The following FRMPD4 variants were observed in gnomAD, a reference collection of about 807,000 sequenced individuals.
The protein encoded by FRMPD4 is FERM and PDZ domain containing 4, also known as FERM and PDZ domain-containing protein 4.
A neutral mutation model predicts 94.1 loss-of-function variants in FRMPD4; 22 were observed. The observed-to-expected ratio is 0.23, with a 90% confidence interval of 0.17 to 0.33. FRMPD4 has a LOEUF of 0.33. FRMPD4 is among the 10% of genes least tolerant of loss of function. The pLI is 1.00. For synonymous variants in FRMPD4, 631 were observed against 548.6 expected (o/e 1.15, Z -2.10); for missense variants, 1,111 against 1,339.9 (o/e 0.83, Z 2.67).
In FRMPD4 at chrX:12,512,308, A is replaced by G. The variant is rs186779032; in HGVS notation, c.158+13512A>G. On this transcript the variant is annotated intron_variant, in intron 2 of 16. Coordinates refer to ENST00000675598, the MANE Select transcript of FRMPD4 (RefSeq NM_001368397.1). ...TCTGCCATGGTAGTTTATTGCACCTATCAACCCATCACCTTGGTATTAAGC... is the reference window on the plus strand; with the variant it reads ...TCTGCCATGGTAGTTTATTGCACCTGTCAACCCATCACCTTGGTATTAAGC... 6.3e-4 allele frequency among the ~76,000 whole-genome samples: 70 copies of G among 111,941 alleles called. No individual in the cohort carries two copies. In the East Asian group the frequency reaches 0.016, roughly 25 times the overall value.
At chrX:11,836,846 A>T (rs2053503730) in intron 1 of FRMPD4, among the ~76,000 whole-genome samples, 1 of 111,905 alleles carries the variant, frequency 8.9e-6, no homozygotes, top group South Asian at 3.7e-4. Context: ...AATGCACATG[A>T]GGAAATTTAA....
At chrX:12,235,104 A>G (rs1378011623) in intron 1 of FRMPD4, among the ~76,000 whole-genome samples, 2 of 111,992 alleles carry the variant, frequency 1.8e-5, no homozygotes, top group African/African-American at 6.5e-5. Context: ...TCGTATTGCC[A>G]TCCTATCAAC....
chrX:12,515,788 C>T (rs1159140834), intron 2 of FRMPD4, among the ~76,000 whole-genome samples: 1 of 110,183 alleles, frequency 9.1e-6, no homozygotes, highest in Non-Finnish European at 1.9e-5. Flanking sequence ...ACAGTGGGGT[C>T]GATAGTGGGA....
At chrX:12,155,206 T>A (rs189411107) in intron 1 of FRMPD4, among the ~76,000 whole-genome samples, 1 of 112,036 alleles carries the variant, frequency 8.9e-6, no homozygotes, top group African/African-American at 3.2e-5. Flanking sequence ...TCTTCTTTAA[T>A]AATTTCATTT....
chrX:12,369,702 A>C (rs956214316), intron 1 of FRMPD4, among the ~76,000 whole-genome samples: 1 of 111,891 alleles, frequency 8.9e-6, no homozygotes, highest in South Asian at 3.7e-4. Context: ...TCTCATAGTC[A>C]GTGGAAACTG....
rs1432065556 is a variant in FRMPD4, at chrX:11,923,952, C to T, written c.95+45934C>T. Among the ~76,000 whole-genome samples the T allele has an allele frequency of 2.7e-5, 3 of 111,772 alleles. No individual in the cohort carries two copies. In the East Asian group the frequency reaches 8.4e-4, roughly 31 times the overall value. On this transcript the variant is annotated intron_variant, in intron 3 of 18. Coordinates refer to the FRMPD4 transcript ENST00000640291. ...GCTGAGATTGAGACAGCTGAAATGA[C>T]AGAATTCAGAATACGGATAGGAATT...
At chrX:12,013,039 A>G (rs1252328270) in intron 3 of FRMPD4, among the ~76,000 whole-genome samples, 1 of 111,888 alleles carries the variant, frequency 8.9e-6, no homozygotes, top group Non-Finnish European at 1.9e-5. Flanking sequence ...TAATGTTTCA[A>G]TCTCTGGTCA....
intron 1 of FRMPD4, among the ~76,000 whole-genome samples, chrX:12,250,957 C>T (rs1336960950): frequency 1.8e-5 from 2 of 111,941 alleles, no homozygotes; most frequent in African/African-American, 6.5e-5. Flanking sequence ...GGCACCAAAG[C>T]GCCCAGCTGA....
At chrX:12,098,476 G>A (rs982130711) in intron 3 of FRMPD4, among the ~76,000 whole-genome samples, 42 of 112,095 alleles carry the variant, frequency 3.7e-4, no homozygotes, top group Non-Finnish European at 7.5e-5. Flanking sequence ...GTGGCCTCGT[G>A]GTCAAATAAA....
At chrX:12,113,101 A>G (rs2055380284) in intron 3 of FRMPD4, among the ~76,000 whole-genome samples, 1 of 112,107 alleles carries the variant, frequency 8.9e-6, no homozygotes, top group Non-Finnish European at 1.9e-5. Context: ...AGGACAAGGA[A>G]AGCCTTGAAC....
At chrX:12,241,315 C>T (rs191308446) in intron 1 of FRMPD4, among the ~76,000 whole-genome samples, 91 of 112,225 alleles carry the variant, frequency 8.1e-4, no homozygotes, top group African/African-American at 2.8e-3. Context: ...GAGAGTTCTT[C>T]GAGGACTTTG....
intron 1 of FRMPD4, among the ~76,000 whole-genome samples, chrX:12,215,010 C>T (rs1407987031): frequency 6.3e-5 from 7 of 110,672 alleles, no homozygotes; most frequent in Non-Finnish European, 1.3e-4. Flanking sequence ...TATATGTGTG[C>T]GTGTATATAT....
intron 1 of FRMPD4, among the ~76,000 whole-genome samples, chrX:11,856,514 T>C (rs950220982): frequency 1.8e-5 from 2 of 109,310 alleles, no homozygotes; most frequent in Non-Finnish European, 1.9e-5. Flanking sequence ...TCCATTAATG[T>C]TAAAAAAACT....
chrX:11,847,673 A>C (rs2147285979), intron 1 of FRMPD4, among the ~76,000 whole-genome samples: 1 of 110,609 alleles, frequency 9.0e-6, no homozygotes, highest in East Asian at 2.8e-4. Flanking sequence ...AAAATGTGGC[A>C]CATATATACC....
At chrX:12,159,480 T>C (rs776804952) in intron 1 of FRMPD4, among the ~76,000 whole-genome samples, 15 of 112,253 alleles carry the variant, frequency 1.3e-4, no homozygotes, top group Non-Finnish European at 2.3e-4. Context: ...TTCTCAGTGT[T>C]GTGAGCTCCC....
intron 1 of FRMPD4, among the ~76,000 whole-genome samples, chrX:12,312,798 T>C (rs966207907): frequency 7.3e-5 from 8 of 109,409 alleles, no homozygotes; most frequent in African/African-American, 2.6e-4. Context: ...AGAGACCAAG[T>C]GCTTTCTTAT....
At chrX:12,243,622 T>C (rs1276129107) in intron 1 of FRMPD4, among the ~76,000 whole-genome samples, 2 of 109,779 alleles carry the variant, frequency 1.8e-5, no homozygotes, top group East Asian at 5.7e-4. Context: ...TATAGCATAC[T>C]AAAGGTTCTA....
At chrX:12,516,223 G>T (rs1330506690) in intron 2 of FRMPD4, among the ~76,000 whole-genome samples, 1 of 111,821 alleles carries the variant, frequency 8.9e-6, no homozygotes, top group African/African-American at 3.3e-5. Context: ...TGTTATGTGT[G>T]AATTTAATAC....
chrX:12,331,667 A>C (rs1267522098), intron 1 of FRMPD4, among the ~76,000 whole-genome samples: 1 of 75,602 alleles, frequency 1.3e-5, no homozygotes, highest in East Asian at 3.8e-4. Context: ...ATAATATATA[A>C]ATATATAAAT....
Sources: gnomAD v4.1 joint callset for allele counts (sites outside exome capture counted in the v4.1 genomes callset) on GRCh38, gnomAD v4.1.1 for gene constraint, MANE v1.5 for transcripts, NCBI Gene and HGNC (gene_info 2026-07-23, HGNC 2026-07-21) for gene names.